Variants in PCDHGB7 observed in about 807,000 individuals in gnomAD.
PCDHGB7 encodes the protein protocadherin gamma subfamily B, 7, also known as protocadherin gamma-B7.
In PCDHGB7, 37 loss-of-function variants were observed where a neutral mutation model predicts 61.4. The ratio of observed to expected loss-of-function variants is 0.60; its 90% CI spans 0.46 to 0.79. The LOEUF (loss-of-function observed/expected upper bound fraction) is 0.79, where lower values mean the gene tolerates loss of function less well. Ranked by LOEUF, PCDHGB7 falls within the 30% of genes least tolerant of loss-of-function variation. The probability of loss-of-function intolerance (pLI) is 0.00; values close to 1 mark genes in which losing one functional copy is unlikely to be tolerated. For missense variants in PCDHGB7, 1,166 were observed against 1,202.5 expected (o/e 0.97, Z 0.45); for synonymous variants, 464 against 503.5 (o/e 0.92, Z 1.05).
intron 2 of PCDHGB7, among the ~76,000 whole-genome samples, chr5:141,500,184 T>TTTTATTTATTTATTTA (rs58019021): frequency 1.5e-5 from 2 of 135,886 alleles, no homozygotes; most frequent in African/African-American, 5.4e-5. Flanking sequence ...TCATTTTTAT[T>TTTTATTTATTTATTTA]TTTATTTATT....
intron 1 of PCDHGB7, chr5:141,471,535 T>C (rs553186728): frequency 6.6e-6 from 1 of 152,368 alleles, no homozygotes; most frequent in African/African-American, 2.4e-5. Context: ...GAAGCTATGA[T>C]AGCATTTAAG....
At position 141,477,795 on chromosome 5, in the gene PCDHGB7, G is replaced by T. The variant is rs778851755; in HGVS notation, c.2416-17012G>T. The T allele has an allele frequency of 1.2e-5, 19 of 1,613,946 alleles. 1 individual carries two copies. In the South Asian group the frequency reaches 1.6e-4, roughly 14 times the overall value. On this transcript the variant is annotated intron_variant, in intron 1 of 3. Transcript: ENST00000398594. The surrounding 1 kb of genome is among the most constrained non-coding windows in gnomAD (Gnocchi z 4.9). ...AGCGTGAACATATTTGTCACTGATC[G>T]CAATGACAATGCCCCCCAGGTCCTA...
At chr5:141,441,864 G>A in intron 1 of PCDHGB7, 3 of 344,518 alleles carry the variant, frequency 8.7e-6, no homozygotes, top group Admixed American at 4.1e-5. Context: ...TGCACGCCGC[G>A]GAGCCTGGCT....
rs774898388 is a variant in PCDHGB7, at chr5:141,491,593, A to G, written c.2416-3214A>G. 6.8e-6 allele frequency: 11 copies of G among 1,613,918 alleles called. No individual in the cohort carries two copies. In the Admixed American group the frequency reaches 1.2e-4, roughly 17 times the overall value. Reference sequence around the variant, plus strand: ...GTGCTTTTCACCGGCCTCGGACGGCAGTGACTTCACTTTTCTAAGACCCCT... The same window carrying G: ...GTGCTTTTCACCGGCCTCGGACGGCGGTGACTTCACTTTTCTAAGACCCCT... On this transcript the variant is annotated intron_variant, in intron 1 of 3. Transcript: ENST00000398594. This position sits in a 1 kb window ranked among gnomAD's most constrained non-coding sequence, Gnocchi z 6.9.
chr5:141,478,590 A>T, intron 1 of PCDHGB7: 1 of 1,573,342 alleles, frequency 6.4e-7, no homozygotes, highest in South Asian at 1.1e-5. Flanking sequence ...GTGCTTTTTT[A>T]TTCCTACATC....
rs866752085 is a variant in PCDHGB7, at chr5:141,424,634, A to G, written c.2415+4360A>G. ...AATAGAGTAGTTTGTGAATATATAA[A>G]TAGATTGAAGGTATTTGGACTTTAA... On this transcript the variant is annotated intron_variant, in intron 1 of 3. Coordinates refer to ENST00000398594, the MANE Select transcript of PCDHGB7 (RefSeq NM_018927.4). 6 of 152,338 alleles carry G rather than the reference A, an allele frequency of 3.9e-5. No individual in the cohort carries two copies. The South Asian group carries it at 1.2e-3, about 32-fold the overall frequency. 9.4% of individuals were successfully genotyped at this position (152,338 alleles called of 1,614,324 possible).
At chr5:141,478,559 A>T (rs938780510) in intron 1 of PCDHGB7, 1 of 1,599,454 alleles carries the variant, frequency 6.3e-7, no homozygotes, top group Non-Finnish European at 8.5e-7. Context: ...AAGGTTTAGC[A>T]AGTCATGCTT....
At chr5:141,456,574 T>G (rs373414652) in intron 1 of PCDHGB7, among the ~76,000 whole-genome samples, 3 of 152,198 alleles carry the variant, frequency 2.0e-5, no homozygotes, top group South Asian at 4.1e-4. Flanking sequence ...ACATTTTCCC[T>G]GAGCCTGTCA....
intron 1 of PCDHGB7, among the ~76,000 whole-genome samples, chr5:141,444,312 C>G (rs2098431691): frequency 6.6e-6 from 1 of 151,856 alleles, no homozygotes; most frequent in Non-Finnish European, 1.5e-5. Flanking sequence ...GCTAGGATTA[C>G]AGGCATGTGC....
intron 1 of PCDHGB7, among the ~76,000 whole-genome samples, chr5:141,436,517 G>A (rs1398225419): frequency 1.3e-5 from 2 of 152,130 alleles, no homozygotes; most frequent in African/African-American, 4.8e-5. Flanking sequence ...TGTTAACTGT[G>A]TCACCTTTAG....
intron 1 of PCDHGB7, chr5:141,426,995 C>A (rs772977735): frequency 2.2e-6 from 1 of 456,694 alleles, no homozygotes; most frequent in South Asian, 1.5e-5. Context: ...ACGATAATGC[C>A]CCAGTTTTTA....
chr5:141,486,985 T>C lies in PCDHGB7; in HGVS notation c.2416-7822T>C. On this transcript the variant is annotated intron_variant, in intron 1 of 3. Coordinates refer to ENST00000398594, the MANE Select transcript of PCDHGB7 (RefSeq NM_018927.4). The surrounding 1 kb of genome is among the most constrained non-coding windows in gnomAD (Gnocchi z 5.0). ...TGGACTTGGATTCAGGTTACAATGC[T>C]TGGGTTTCCTATCAGCTCCTGGAGG... 1 of 1,614,208 alleles carries C rather than the reference T, an allele frequency of 6.2e-7. No individual in the cohort carries two copies. The highest frequency in any genetic ancestry group is 8.5e-7 in the Non-Finnish European group (1 of 1,180,040).
In PCDHGB7 at chr5:141,505,435, G is replaced by A. The variant is rs1274195652; in HGVS notation, c.2517G>A (p.Gln839=). The change falls in exon 3 of 4, where the codon CAG becomes CAA. Residue 839 remains glutamine, a synonymous_variant. Transcript: ENST00000398594. ...GDDTGTWPNN[Q]FDTEMLQAMI... is the part of the protein sequence containing the mutation. ...ACACCGGCACCTGGCCCAACAACCA[G>A]TTTGACACAGAGATGCTGCAAGCCA... 1 of 1,614,096 alleles carries A rather than the reference G, an allele frequency of 6.2e-7. No homozygotes were observed. Among genetic ancestry groups the A allele is most frequent in the African/African-American group, 1.3e-5 (1 of 74,936 alleles).
intron 2 of PCDHGB7, among the ~76,000 whole-genome samples, chr5:141,499,689 CTT>C (rs545067566): frequency 7.5e-5 from 9 of 119,852 alleles, no homozygotes; most frequent in African/African-American, 9.3e-5. Flanking sequence ...TAACAGATGA[CTT>C]TTTTTTTTTT....
rs1479003983 is a variant in PCDHGB7, at chr5:141,485,352, C to T, written c.2416-9455C>T. On this transcript the variant is annotated intron_variant, in intron 1 of 3. Coordinates refer to ENST00000398594, the MANE Select transcript of PCDHGB7 (RefSeq NM_018927.4). This position sits in a 1 kb window ranked among gnomAD's most constrained non-coding sequence, Gnocchi z 5.7. ...TTCCTGCTGGATACGGACAGTCTGT[C>T]AGCTCGCAGGCTGCAGGTCGCTGGA... 1 of 1,614,136 alleles carries T rather than the reference C, an allele frequency of 6.2e-7. No homozygotes were observed. The highest frequency in any genetic ancestry group is 8.5e-7 in the Non-Finnish European group (1 of 1,180,012).
rs764130526 is a variant in PCDHGB7, at chr5:141,420,199, C to T, written c.2340C>T (p.Asn780=). The stretch of plus-strand genomic sequence containing the variant: ...ATCATTGTCCAGCCACACAAGATAA[C>T]CTCAACAAAGATAGCATGCTACTGG... ...SVDHCPATQD[N]LNKDSMLLAS... Residue 780 remains asparagine (N), a synonymous_variant, in exon 1 of 4, where the codon AAC becomes AAT. Transcript: ENST00000398594. 12 of 1,613,362 alleles carry T rather than the reference C, an allele frequency of 7.4e-6. No individual in the cohort carries two copies. The highest frequency in any genetic ancestry group is 1.0e-5 in the Non-Finnish European group (12 of 1,179,420).
chr5:141,453,926 T>C (rs1274875429), intron 1 of PCDHGB7, among the ~76,000 whole-genome samples: 1 of 152,256 alleles, frequency 6.6e-6, no homozygotes, highest in Non-Finnish European at 1.5e-5. Flanking sequence ...GATCAGTCAC[T>C]GTGTGCCTAT....
Position 141,477,872 on chromosome 5 carries a change from G to A in PCDHGB7, c.2416-16935G>A. The stretch of plus-strand genomic sequence containing the variant: ...GGAGATGCTGCCTCGAGGTACCTCA[G>A]CTGGCCACCTAGTGTCACGGGTGGT... On this transcript the variant is annotated intron_variant, in intron 1 of 3. Coordinates refer to ENST00000398594, the MANE Select transcript of PCDHGB7 (RefSeq NM_018927.4). This position sits in a 1 kb window ranked among gnomAD's most constrained non-coding sequence, Gnocchi z 4.9. The A allele has an allele frequency of 6.2e-7, 1 of 1,614,180 alleles. No individual in the cohort carries two copies. Among genetic ancestry groups the A allele is most frequent in the African/African-American group, 1.3e-5 (1 of 75,058 alleles).
chr5:141,492,320 G>A (rs1001784912), intron 1 of PCDHGB7, among the ~76,000 whole-genome samples: 1 of 152,206 alleles, frequency 6.6e-6, no homozygotes. Flanking sequence ...CTCCTCGCAC[G>A]TGGGCTTACG....
Sources: allele counts gnomAD v4.1 joint callset (sites outside exome capture counted in the v4.1 genomes callset), GRCh38; gene constraint gnomAD v4.1.1; non-coding constraint Gnocchi (gnomAD v3.1); transcripts MANE v1.5; gene names NCBI Gene and HGNC (gene_info 2026-07-23, HGNC 2026-07-21).